The following PRKN variants were observed in gnomAD, a reference collection of about 807,000 sequenced individuals.
PRKN encodes the protein E3 ubiquitin-protein ligase parkin.
A neutral mutation model predicts 59.5 loss-of-function variants in PRKN; 56 were observed. The observed-to-expected ratio is 0.94, with a 90% CI of 0.76 to 1.18. PRKN has a LOEUF of 1.18. Ranked by LOEUF, PRKN falls within the 50% of genes most tolerant of loss-of-function variation. The pLI, the probability that PRKN is intolerant of heterozygous loss-of-function variation, is 0.00. For missense variants in PRKN, 657 were observed against 596.4 expected (o/e 1.10, Z -1.06); for synonymous variants, 250 against 222.1 (o/e 1.13, Z -1.12).
At chr6:161,841,686 A>C (rs1792993434) in intron 6 of PRKN, among the ~76,000 whole-genome samples, 1 of 151,962 alleles carries the variant, frequency 6.6e-6, no homozygotes, top group African/African-American at 2.4e-5. Flanking sequence ...TGCATCCCTC[A>C]ATTTTAGCAA....
intron 6 of PRKN, among the ~76,000 whole-genome samples, chr6:161,838,609 T>C (rs779682242): frequency 8.5e-5 from 13 of 152,248 alleles, no homozygotes; most frequent in Non-Finnish European, 1.6e-4. Flanking sequence ...ACCAGCCACC[T>C]TCCTCTTCCT....
At chr6:161,611,480 T>G (rs148646293) in intron 7 of PRKN, among the ~76,000 whole-genome samples, 8 of 152,316 alleles carry the variant, frequency 5.3e-5, no homozygotes, top group African/African-American at 1.9e-4. Context: ...ATTTCAAACT[T>G]TTTTGTCATC....
At chr6:162,686,272 T>C in intron 1 of PRKN, among the ~76,000 whole-genome samples, 1 of 152,134 alleles carries the variant, frequency 6.6e-6, no homozygotes, top group East Asian at 1.9e-4. Context: ...GACCCTATGG[T>C]GCCCAGCTGG....
At chr6:162,223,371 T>C (rs1036897184) in intron 3 of PRKN, among the ~76,000 whole-genome samples, 2 of 151,994 alleles carry the variant, frequency 1.3e-5, no homozygotes, top group African/African-American at 4.8e-5. Context: ...AGCTAGCATG[T>C]AATAAAAGCT....
Position 161,395,822 on chromosome 6 carries a change from C to T in PRKN, c.1084-8945G>A, listed in dbSNP as rs1562418826. On this transcript the variant is annotated intron_variant, in intron 9 of 11. Coordinates refer to ENST00000366898, the MANE Select transcript of PRKN (RefSeq NM_004562.3). The surrounding 1 kb of genome is among the most constrained non-coding windows in gnomAD (Gnocchi z 5.0). The stretch of plus-strand genomic sequence containing the variant: ...AGGCTCACTCTGACTTTCCTCAGCT[C>T]AACACACATGGAGCTGGTCGTCTCA... 2.6e-5 allele frequency among the ~76,000 whole-genome samples: 4 copies of T among 152,316 alleles called. No individual in the cohort carries two copies. The East Asian group carries it at 5.8e-4, about 22-fold the overall frequency.
chr6:161,893,432 G>A (rs1461507257), intron 6 of PRKN, among the ~76,000 whole-genome samples: 1 of 152,150 alleles, frequency 6.6e-6, no homozygotes, highest in Non-Finnish European at 1.5e-5. Context: ...TCCTATAGAT[G>A]CCTAATGTTA....
chr6:161,902,369 C>T (rs1777949514), intron 6 of PRKN, among the ~76,000 whole-genome samples: 2 of 151,988 alleles, frequency 1.3e-5, no homozygotes, highest in African/African-American at 4.8e-5. Context: ...TCTTTTCAAA[C>T]TGTGTGTTGT....
intron 7 of PRKN, among the ~76,000 whole-genome samples, chr6:161,697,282 T>C (rs2128177753): frequency 6.6e-6 from 1 of 152,308 alleles, no homozygotes; most frequent in Non-Finnish European, 1.5e-5. Flanking sequence ...TCTCTAACTT[T>C]TAGGAGAGAA....
At chr6:161,980,029 ATAGATT>A in intron 5 of PRKN, among the ~76,000 whole-genome samples, 1 of 152,216 alleles carries the variant, frequency 6.6e-6, no homozygotes, top group Non-Finnish European at 1.5e-5. Context: ...ATACAATTTG[ATAGATT>A]TCAAATTACT....
intron 7 of PRKN, among the ~76,000 whole-genome samples, chr6:161,677,660 A>G (rs1176205082): frequency 6.6e-6 from 1 of 152,202 alleles, no homozygotes; most frequent in Non-Finnish European, 1.5e-5. Context: ...GCACACTGAA[A>G]TTTGAACACA....
At position 162,288,775 on chromosome 6, in the gene PRKN, G is replaced by A. The variant is rs944291767; in HGVS notation, c.172-26010C>T. 1.2e-4 allele frequency among the ~76,000 whole-genome samples: 18 copies of A among 152,176 alleles called. No individual in the cohort carries two copies. The South Asian group carries it at 1.2e-3, about 11-fold the overall frequency. On this transcript the variant is annotated intron_variant, in intron 2 of 11. Transcript: ENST00000366898. ...TACCATGATACCATTTATAAACATC[G>A]GATACATTTATCATTCCAAGGATTC...
In PRKN at chr6:161,350,202, A is replaced by T; in HGVS notation, c.1295T>A (p.Met432Lys). The stretch of plus-strand genomic sequence containing the variant: ...CTGGGGCTGCGGACACTTCATGTGC[A>T]TGCAGCCTCCTGTTGGGGGCAGAAA... ...HVPVEKNGGC[M>K]HMKCPQPQCR... Residue 432 changes from methionine (M) to lysine (K), a missense_variant, in exon 12 of 12, where the codon ATG becomes AAG. Transcript: ENST00000366898. The T allele has an allele frequency of 6.2e-7, 1 of 1,612,702 alleles. No individual in the cohort carries two copies. The highest frequency in any genetic ancestry group is 1.1e-5 in the South Asian group (1 of 91,000).
chr6:162,262,619 G>A lies in PRKN; in HGVS notation c.318C>T (p.Asp106=). 6.2e-7 allele frequency: 1 copy of A among 1,613,800 alleles called. No homozygotes were observed. The highest frequency in any genetic ancestry group is 8.5e-7 in the Non-Finnish European group (1 of 1,179,972). Reference sequence around the variant, plus strand: ...CTCCTGGGAGGACTGAGCTGCTGAGGTCCACCCGAGTCAAGCTCTGGGGCT... The same window carrying A: ...CTCCTGGGAGGACTGAGCTGCTGAGATCCACCCGAGTCAAGCTCTGGGGCT... ...EREPQSLTRV[D]LSSSVLPGDS... is the part of the protein sequence containing the mutation. The change falls in exon 3 of 12, where the codon GAC becomes GAT. Residue 106 remains aspartate (D), a synonymous_variant. Coordinates refer to ENST00000366898, the MANE Select transcript of PRKN (RefSeq NM_004562.3).
At chr6:162,661,890 C>T (rs572428083) in intron 1 of PRKN, among the ~76,000 whole-genome samples, 44 of 152,178 alleles carry the variant, frequency 2.9e-4, no homozygotes, top group African/African-American at 9.4e-4. Context: ...TACTGTGTGG[C>T]GCTGAAGTCT....
Position 161,445,633 on chromosome 6 carries a change from G to A in PRKN, c.1084-58756C>T, listed in dbSNP as rs866697458. Reference sequence around the variant, plus strand: ...TCATCCACCCGTGCTGCAGCTGAATGGGATCGGTGCAGCATGATAGAGGCC... The same window carrying A: ...TCATCCACCCGTGCTGCAGCTGAATAGGATCGGTGCAGCATGATAGAGGCC... On this transcript the variant is annotated intron_variant, in intron 9 of 11. Coordinates refer to ENST00000366898, the MANE Select transcript of PRKN (RefSeq NM_004562.3). This position sits in a 1 kb window ranked among gnomAD's most constrained non-coding sequence, Gnocchi z 7.7. 2.0e-4 allele frequency among the ~76,000 whole-genome samples: 31 copies of A among 152,218 alleles called. 1 individual carries two copies. The highest frequency in any genetic ancestry group is 1.1e-3 in the Admixed American group (17 of 15,286).
At chr6:162,352,209 C>A (rs1183901502) in intron 2 of PRKN, among the ~76,000 whole-genome samples, 7 of 152,170 alleles carry the variant, frequency 4.6e-5, no homozygotes, top group African/African-American at 1.4e-4. Flanking sequence ...TCTGGAAGAT[C>A]TCTGCACCCA....
intron 2 of PRKN, among the ~76,000 whole-genome samples, chr6:162,338,445 G>A (rs1420590029): frequency 1.3e-5 from 2 of 152,174 alleles, no homozygotes; most frequent in Non-Finnish European, 2.9e-5. Context: ...GTGGAGACGG[G>A]GTTTTGCTGT....
intron 6 of PRKN, among the ~76,000 whole-genome samples, chr6:161,956,099 A>T (rs1669471747): frequency 6.6e-6 from 1 of 152,206 alleles, no homozygotes; most frequent in Non-Finnish European, 1.5e-5. Context: ...TACTGTCCAT[A>T]TGTGATCAGC....
At chr6:162,393,165 T>A in intron 2 of PRKN, among the ~76,000 whole-genome samples, 1 of 133,236 alleles carries the variant, frequency 7.5e-6, no homozygotes, top group Admixed American at 7.7e-5. Flanking sequence ...CTTTTTTTTT[T>A]TTTTTTTTTT....
Sources: allele counts gnomAD v4.1 joint callset (sites outside exome capture counted in the v4.1 genomes callset), GRCh38; gene constraint gnomAD v4.1.1; non-coding constraint Gnocchi (gnomAD v3.1); transcripts MANE v1.5; gene names NCBI Gene and HGNC (gene_info 2026-07-23, HGNC 2026-07-21).